INSIG1: variants seen among roughly 807,000 people sequenced by gnomAD.
INSIG1 encodes the protein insulin induced gene 1, also known as insulin-induced gene 1 protein.
Under a neutral mutation model 26.5 loss-of-function variants are expected in INSIG1, and 14 were observed. The ratio of observed to expected loss-of-function variants is 0.53; its 90% CI spans 0.35 to 0.83. The LOEUF (loss-of-function observed/expected upper bound fraction) is 0.83, where lower values mean the gene tolerates loss of function less well. Among genes scored for constraint, INSIG1 ranks in the 40% least tolerant of loss-of-function variants. The pLI is 0.01. For missense variants in INSIG1, 272 were observed against 368.9 expected (o/e 0.74, Z 2.15); for synonymous variants, 147 against 153.3 (o/e 0.96, Z 0.30).
Position 155,308,484 on chromosome 7 carries a change from G to A in INSIG1, c.*214G>A, listed in dbSNP as rs897620010. On this transcript the variant is annotated 3_prime_UTR_variant, in exon 6 of 6. Coordinates refer to ENST00000340368, the MANE Select transcript of INSIG1 (RefSeq NM_005542.6). ...TCTTCCCTTGACTGCCCGCACTGGC[G>A]CCTGTCTGTGCCCTGGAGCATTCTG... 1.3e-5 allele frequency: 8 copies of A among 626,146 alleles called. No individual in the cohort carries two copies. The highest frequency in any genetic ancestry group is 3.6e-5 in the African/African-American group (2 of 55,258). 38.8% of individuals were successfully genotyped at this position (626,146 alleles called of 1,614,324 possible).
chr7:155,298,755 A>G, intron 2 of INSIG1, 58 bp downstream of exon 2: 1 of 1,469,914 alleles, frequency 6.8e-7, no homozygotes, highest in Non-Finnish European at 9.3e-7. Context: ...GGTTGAAAGT[A>G]CTTTTCAGCC....
rs1276388097 is a variant in INSIG1, at chr7:155,297,953, C to G, written c.-34C>G. 1 of 208,296 alleles carries G rather than the reference C, an allele frequency of 4.8e-6. No individual in the cohort carries two copies. Among genetic ancestry groups the G allele is most frequent in the African/African-American group, 2.3e-5 (1 of 43,306 alleles). 12.9% of individuals were successfully genotyped at this position (208,296 alleles called of 1,614,324 possible). On this transcript the variant is annotated 5_prime_UTR_variant, in exon 1 of 6. Transcript: ENST00000340368. Reference sequence around the variant, plus strand: ...GGAGAGCCGGCGGGCGGGCGCCTCTCGGCCAGGTACGCGGCCGGCTGGGAT... The same window carrying G: ...GGAGAGCCGGCGGGCGGGCGCCTCTGGGCCAGGTACGCGGCCGGCTGGGAT...
chr7:155,308,197 G>A (rs144935883), intron 5 of INSIG1, 44 bp from the exon 6 acceptor site: 12 of 965,644 alleles, frequency 1.2e-5, no homozygotes, highest in East Asian at 2.4e-5. Flanking sequence ...TATACATTTA[G>A]TGCTAATTTT....
intron 2 of INSIG1, 73 bp from the exon 3 acceptor site, chr7:155,301,493 T>TTAC: frequency 1.4e-6 from 2 of 1,406,662 alleles, no homozygotes; most frequent in East Asian, 4.7e-5. Context: ...ATGTACTGTG[T>TTAC]TACTAATGAC....
intron 5 of INSIG1, among the ~76,000 whole-genome samples, chr7:155,304,973 T>C (rs1322822248): frequency 1.7e-5 from 1 of 57,558 alleles, no homozygotes; most frequent in South Asian, 3.9e-4. Context: ...CCGTCTGTAC[T>C]AAAAATACAA....
chr7:155,302,196 G>T lies in INSIG1; in HGVS notation c.538-55G>T. On this transcript the variant is annotated intron_variant, in intron 3 of 5. Coordinates refer to ENST00000340368, the MANE Select transcript of INSIG1 (RefSeq NM_005542.6). This position sits in a 1 kb window ranked among gnomAD's most constrained non-coding sequence, Gnocchi z 4.3. Reference sequence around the variant, plus strand: ...ATGTTTTTAACCCTTGTGGTTTTACGTTTTTTTATCTTAATAAGAGTCAGC... The same window carrying T: ...ATGTTTTTAACCCTTGTGGTTTTACTTTTTTTTATCTTAATAAGAGTCAGC... 4.9e-6 allele frequency: 7 copies of T among 1,424,592 alleles called. No individual in the cohort carries two copies. Among genetic ancestry groups the T allele is most frequent in the Non-Finnish European group, 6.6e-6 (7 of 1,062,698 alleles). 88.2% of individuals were successfully genotyped at this position (1,424,592 alleles called of 1,614,324 possible).
chr7:155,301,445 G>C (rs1436669748), intron 2 of INSIG1, 121 bp from the exon 3 acceptor site: 1 of 843,860 alleles, frequency 1.2e-6, no homozygotes, highest in Middle Eastern at 2.5e-4. Flanking sequence ...TGAAGTTATA[G>C]CTGATAATTT....
In INSIG1 at chr7:155,306,756, G is replaced by A. The variant is rs913012850; in HGVS notation, c.805-1485G>A. Among the ~76,000 whole-genome samples the A allele has an allele frequency of 3.3e-5, 5 of 152,320 alleles. No homozygotes were observed. In the East Asian group the frequency reaches 5.8e-4, roughly 18 times the overall value. On this transcript the variant is annotated intron_variant, in intron 5 of 5. Coordinates refer to ENST00000340368, the MANE Select transcript of INSIG1 (RefSeq NM_005542.6). ...CTTGGCCAAGTGGGTGGCAGAGGTC[G>A]ACGTGGCACCGTGCTTCTCATTAGC...
At chr7:155,306,786 C>T (rs1797946929) in intron 5 of INSIG1, among the ~76,000 whole-genome samples, 1 of 151,956 alleles carries the variant, frequency 6.6e-6, no homozygotes, top group Non-Finnish European at 1.5e-5. Flanking sequence ...ATTAGCATAC[C>T]ACACTGCCCT....
chr7:155,302,315 G>C lies in INSIG1; in HGVS notation c.602G>C (p.Trp201Ser). The C allele has an allele frequency of 6.2e-7, 1 of 1,608,582 alleles. No individual in the cohort carries two copies. The highest frequency in any genetic ancestry group is 8.5e-7 in the Non-Finnish European group (1 of 1,177,638). The stretch of plus-strand genomic sequence containing the variant: ...TTAGCAGCCCTATCTTTGGGCCTTT[G>C]GTGGACATTTGATCGTTCCAGAAGT... Reference protein sequence around the residue: ...LTLAALSLGLWWTFDRSRSGL... With the variant: ...LTLAALSLGLSWTFDRSRSGL... Residue 201 changes from tryptophan (W) to serine (S), a missense_variant, in exon 4 of 6, where the codon TGG (tryptophan) becomes TCG (serine). Trp to Ser is a radical substitution (Grantham distance 177). Coordinates refer to ENST00000340368, the MANE Select transcript of INSIG1 (RefSeq NM_005542.6). The surrounding 1 kb of genome is among the most constrained non-coding windows in gnomAD (Gnocchi z 4.3).
chr7:155,304,815 A>T (rs754417833), intron 5 of INSIG1, among the ~76,000 whole-genome samples: 1 of 152,036 alleles, frequency 6.6e-6, no homozygotes, highest in African/African-American at 2.4e-5. Flanking sequence ...GCTTGGGGGA[A>T]AATGTTTGGA....
intron 5 of INSIG1, among the ~76,000 whole-genome samples, chr7:155,304,484 A>T (rs116492946): frequency 7.7e-4 from 118 of 152,332 alleles, no homozygotes; most frequent in African/African-American, 2.8e-3. Context: ...TACACATTAT[A>T]ACTACAACTT....
chr7:155,304,601 AG>A (rs1797884842), intron 5 of INSIG1, among the ~76,000 whole-genome samples: 1 of 152,250 alleles, frequency 6.6e-6, no homozygotes, highest in Admixed American at 6.5e-5. Flanking sequence ...TGGTGGAGGT[AG>A]AAATTTCACA....
intron 5 of INSIG1, among the ~76,000 whole-genome samples, chr7:155,306,659 A>C (rs1284075439): frequency 6.6e-6 from 1 of 152,236 alleles, no homozygotes; most frequent in Non-Finnish European, 1.5e-5. Flanking sequence ...CTCATAACAC[A>C]AGTCTTTGAA....
Position 155,298,402 on chromosome 7 carries a change from C to T in INSIG1, c.117C>T (p.Asn39=), listed in dbSNP as rs1300189272. The change falls in exon 2 of 6, where the codon AAC becomes AAT. Residue 39 remains asparagine, a synonymous_variant. Coordinates refer to ENST00000340368, the MANE Select transcript of INSIG1 (RefSeq NM_005542.6). ...GLAAKVGEMI[N]VSVSGPSLLA... The stretch of plus-strand genomic sequence containing the variant: ...CGGCCAAGGTTGGGGAGATGATCAA[C>T]GTTTCCGTGTCCGGGCCCTCCCTGC... 3 of 1,562,158 alleles carry T rather than the reference C, an allele frequency of 1.9e-6. No homozygotes were observed. Among genetic ancestry groups the T allele is most frequent in the East Asian group, 4.7e-5 (2 of 42,598 alleles).
intron 5 of INSIG1, among the ~76,000 whole-genome samples, chr7:155,307,127 T>C (rs900216884): frequency 3.3e-5 from 5 of 152,246 alleles, no homozygotes; most frequent in African/African-American, 9.6e-5. Flanking sequence ...GCAGTTTGTA[T>C]AGAACCCTCC....
chr7:155,300,873 G>T (rs1037291522), intron 2 of INSIG1, among the ~76,000 whole-genome samples: 1 of 152,176 alleles, frequency 6.6e-6, no homozygotes, highest in Non-Finnish European at 1.5e-5. Flanking sequence ...TGTTCTTTCC[G>T]CAGCTTGAGG....
In INSIG1 at chr7:155,301,662, T is replaced by C; in HGVS notation, c.509T>C (p.Val170Ala). The change falls in exon 3 of 6, where the codon GTT becomes GCT. Residue 170 changes from valine (V) to alanine (A), a missense_variant. By Grantham distance (64) the Val-to-Ala change is moderately conservative (BLOSUM62 0). This residue lies in a region of INSIG1 where 111 missense variants were observed against 189.8 expected (regional missense o/e 0.58). Transcript: ENST00000340368. ...GCCAGTGTCATGCGCTGCATAGCAG[T>C]TTTTGTTGGCATTAACCACGCCAGT... ...EWASVMRCIA[V>A]FVGINHASAK... 6.3e-7 allele frequency: 1 copy of C among 1,599,732 alleles called. No individual in the cohort carries two copies. Among genetic ancestry groups the C allele is most frequent in the Non-Finnish European group, 8.5e-7 (1 of 1,170,438 alleles).
At position 155,302,082 on chromosome 7, in the gene INSIG1, T is replaced by C. The variant is rs1797804916; in HGVS notation, c.538-169T>C. ...GATTTCAGGTGATCTTAATGATTAC[T>C]GTAACCTGTATCCAACAAATCCTTT... On this transcript the variant is annotated intron_variant, in intron 3 of 5. Transcript: ENST00000340368. This position sits in a 1 kb window ranked among gnomAD's most constrained non-coding sequence, Gnocchi z 4.3. Among the ~76,000 whole-genome samples the C allele has an allele frequency of 6.6e-6, 1 of 151,732 alleles. No homozygotes were observed. The highest frequency in any genetic ancestry group is 2.4e-5 in the African/African-American group (1 of 41,334).
Sources: gnomAD v4.1 joint callset for allele counts (sites outside exome capture counted in the v4.1 genomes callset) on GRCh38, gnomAD v4.1.1 for gene constraint, gnomAD v4.1.1 regional missense constraint, Gnocchi (gnomAD v3.1) non-coding constraint, MANE v1.5 for transcripts, NCBI Gene and HGNC (gene_info 2026-07-23, HGNC 2026-07-21) for gene names.